Variants in CCDC33 observed in about 807,000 individuals in gnomAD.
CCDC33 encodes the protein coiled-coil domain-containing protein 33.
A neutral mutation model predicts 91.9 loss-of-function variants in CCDC33; 94 were observed. The ratio of observed to expected loss-of-function variants is 1.02; its 90% CI spans 0.87 to 1.21. CCDC33 has a LOEUF of 1.21. Among genes scored for constraint, CCDC33 ranks in the 50% most tolerant of loss-of-function variants. The pLI, the probability that CCDC33 is intolerant of heterozygous loss-of-function variation, is 0.00. For missense variants in CCDC33, 940 were observed against 935.5 expected, an observed-to-expected ratio of 1.00 and a Z score of -0.06; for synonymous variants, 396 against 374.5, an observed-to-expected ratio of 1.06 and a Z score of -0.66.
chr15:74,322,606 A>C (rs2060228818), intron 11 of CCDC33, among the ~76,000 whole-genome samples: 1 of 152,202 alleles, frequency 6.6e-6, no homozygotes, highest in Non-Finnish European at 1.5e-5. Flanking sequence ...AGGTCTTGGA[A>C]GGCTGGCTGG....
At chr15:74,258,235 C>T (rs1244347398) in intron 2 of CCDC33, among the ~76,000 whole-genome samples, 1 of 152,206 alleles carries the variant, frequency 6.6e-6, no homozygotes, top group Admixed American at 6.5e-5. Context: ...GTGCCAGGGG[C>T]TTCTGGGAAC....
chr15:74,248,037 A>T (rs1187459891), intron 2 of CCDC33, among the ~76,000 whole-genome samples: 2 of 152,176 alleles, frequency 1.3e-5, no homozygotes, highest in East Asian at 3.8e-4. Context: ...AGACTGTGCC[A>T]GTGCACTCCA....
chr15:74,333,467 C>A, intron 16 of CCDC33: 1 of 679,516 alleles, frequency 1.5e-6, no homozygotes, highest in Non-Finnish European at 2.5e-6. Context: ...AGAGTTTTCT[C>A]TCCATCCCAG....
chr15:74,244,229 G>A lies in CCDC33; in HGVS notation c.185+81G>A. ...CAGGGGACAGCTATTTGGAATACTA[G>A]CACCCAAAGGCCCAGGACTGGGACT... On this transcript the variant is annotated intron_variant, in intron 2 of 18. Coordinates refer to ENST00000398814, the MANE Select transcript of CCDC33 (RefSeq NM_025055.5). This position sits in a 1 kb window ranked among gnomAD's most constrained non-coding sequence, Gnocchi z 4.2. The A allele has an allele frequency of 6.6e-7, 1 of 1,515,876 alleles. No homozygotes were observed. The highest frequency in any genetic ancestry group is 8.9e-7 in the Non-Finnish European group (1 of 1,123,420). 93.9% of individuals were successfully genotyped at this position (1,515,876 alleles called of 1,614,324 possible).
At chr15:74,261,677 T>C (rs1305996819) in intron 2 of CCDC33, among the ~76,000 whole-genome samples, 1 of 152,166 alleles carries the variant, frequency 6.6e-6, no homozygotes, top group Non-Finnish European at 1.5e-5. Context: ...ATTCACTCTC[T>C]CCCTGAGCCG....
In CCDC33 at chr15:74,258,339, CTCTTGGTGGCT is replaced by C. The variant is rs1372935658; in HGVS notation, c.186-4100_186-4090del. On this transcript the variant is annotated intron_variant, in intron 2 of 18. Transcript: ENST00000398814. ...TCAGGGCCCTCCCCTTTCCTTTGCTCTCTTGGTGGCTGTCCTGGGATTGGCACTCAAAACAA... is the reference window on the plus strand; with the variant it reads ...TCAGGGCCCTCCCCTTTCCTTTGCTCGTCCTGGGATTGGCACTCAAAACAA... Among the ~76,000 whole-genome samples, 5 of 152,224 alleles carry C rather than the reference CTCTTGGTGGCT, an allele frequency of 3.3e-5. No homozygotes were observed. In the East Asian group the frequency reaches 9.6e-4, roughly 29 times the overall value.
intron 2 of CCDC33, among the ~76,000 whole-genome samples, chr15:74,210,352 AT>A (rs1209434115): frequency 6.6e-6 from 1 of 152,240 alleles, no homozygotes; most frequent in African/African-American, 2.4e-5. Flanking sequence ...GATAAAAAGA[AT>A]GAGGTAATTC....
chr15:74,266,571 C>T, intron 3 of CCDC33, 107 bp from the exon 4 acceptor site: 2 of 792,478 alleles, frequency 2.5e-6, no homozygotes, highest in South Asian at 3.0e-5. Context: ...AGTGTGGCCC[C>T]TGCTCCCTAC....
intron 1 of CCDC33, among the ~76,000 whole-genome samples, chr15:74,237,452 C>A (rs992275821): frequency 6.6e-6 from 1 of 152,182 alleles, no homozygotes; most frequent in Non-Finnish European, 1.5e-5. Context: ...GGAGCTGAGA[C>A]CAAAGGCACA....
At position 74,218,370 on chromosome 15, in the gene CCDC33, G is replaced by C. The variant is rs1447277760; in HGVS notation, c.311-127G>C. 2 of 1,010,964 alleles carry C rather than the reference G, an allele frequency of 2.0e-6. 1 individual carries two copies. Among genetic ancestry groups the C allele is most frequent in the Non-Finnish European group, 2.6e-6 (2 of 776,718 alleles). The allele number at this position is 1,010,964 out of a possible 1,614,324, so 62.6% of individuals were successfully genotyped here. A position where few individuals can be genotyped will look rare whatever the true frequency, so the allele number is the denominator to read the frequency against. ...CGCCTACCAGGGAAATCTTAGCCAA[G>C]ACTGCTTGGCTTTGACTCAAAGTCT... On this transcript the variant is annotated intron_variant, in intron 1 of 2. Coordinates refer to the CCDC33 transcript ENST00000635913. The surrounding 1 kb of genome is among the most constrained non-coding windows in gnomAD (Gnocchi z 4.8).
intron 10 of CCDC33, among the ~76,000 whole-genome samples, chr15:74,287,522 A>G (rs1219664443): frequency 1.3e-5 from 2 of 152,130 alleles, no homozygotes; most frequent in African/African-American, 4.8e-5. Flanking sequence ...GAAAACTTAG[A>G]GCTGGGCGTG....
chr15:74,264,458 TC>T (rs1452629219), intron 3 of CCDC33, among the ~76,000 whole-genome samples: 5 of 152,082 alleles, frequency 3.3e-5, no homozygotes, highest in Non-Finnish European at 7.3e-5. Context: ...TACCCCCAAT[TC>T]CAGCTCATCT....
intron 2 of CCDC33, among the ~76,000 whole-genome samples, chr15:74,225,959 G>A (rs2074781913): frequency 6.6e-6 from 1 of 152,170 alleles, no homozygotes; most frequent in Non-Finnish European, 1.5e-5. Flanking sequence ...CCCCGTCCCA[G>A]GGAAGATGGA....
chr15:74,283,314 C>A (rs1333876229), intron 10 of CCDC33, among the ~76,000 whole-genome samples: 1 of 152,230 alleles, frequency 6.6e-6, no homozygotes, highest in Admixed American at 6.5e-5. Context: ...CCACTGCCAG[C>A]CCCTCCCCAC....
chr15:74,243,322 T>C (rs2075406862), intron 1 of CCDC33, among the ~76,000 whole-genome samples: 1 of 152,090 alleles, frequency 6.6e-6, no homozygotes, highest in Non-Finnish European at 1.5e-5. Flanking sequence ...TGAGGTGAGG[T>C]TACAAGATAG....
At position 74,218,768 on chromosome 15, in the gene CCDC33, G is replaced by A. The variant is rs1311640711; in HGVS notation, c.582G>A (p.Arg194=). The A allele has an allele frequency of 4.7e-6, 6 of 1,289,232 alleles. No homozygotes were observed. The highest frequency in any genetic ancestry group is 6.1e-6 in the Non-Finnish European group (6 of 988,580). The allele number at this position is 1,289,232 out of a possible 1,614,324, so 79.9% of individuals were successfully genotyped here. ...ACAGTGTGGCCTTCCACGTCCACCG[G>A]GGCCCTCAGCCTCCAGTCTCAGACA... The change falls in exon 2 of 3, where the codon CGG becomes CGA. Residue 194 remains arginine, a synonymous_variant. Transcript: ENST00000635913. This position sits in a 1 kb window ranked among gnomAD's most constrained non-coding sequence, Gnocchi z 4.8.
chr15:74,330,905 C>A, intron 13 of CCDC33, 76 bp from the exon 14 acceptor site: 1 of 1,533,926 alleles, frequency 6.5e-7, no homozygotes, highest in Non-Finnish European at 8.8e-7. Flanking sequence ...AGCAGAGGGG[C>A]CGAGGTGGAC....
At chr15:74,242,560 G>T (rs1373754753) in intron 1 of CCDC33, among the ~76,000 whole-genome samples, 2 of 152,170 alleles carry the variant, frequency 1.3e-5, no homozygotes, top group African/African-American at 4.8e-5. Context: ...CCCTGAGGAG[G>T]TCCATTGCTC....
At chr15:74,205,836 G>C (rs371755694) in intron 1 of CCDC33, among the ~76,000 whole-genome samples, 6 of 152,328 alleles carry the variant, frequency 3.9e-5, no homozygotes, top group Middle Eastern at 3.4e-3. Context: ...CTAAGCAGAG[G>C]GGAGGAAATG....
Sources: gnomAD v4.1 joint callset for allele counts (sites outside exome capture counted in the v4.1 genomes callset) on GRCh38, gnomAD v4.1.1 for gene constraint, Gnocchi (gnomAD v3.1) non-coding constraint, MANE v1.5 for transcripts, NCBI Gene and HGNC (gene_info 2026-07-23, HGNC 2026-07-21) for gene names.